The following EBF3 variants were observed in gnomAD, a reference collection of about 807,000 sequenced individuals.
EBF3 encodes the protein EBF transcription factor 3, also known as transcription factor COE3.
EBF3 carries 18 observed loss-of-function variants against 77.1 expected under a neutral mutation model. The ratio of observed to expected loss-of-function variants is 0.23; its 90% confidence interval spans 0.16 to 0.35. The LOEUF is 0.35. Among genes scored for constraint, EBF3 ranks in the 10% least tolerant of loss-of-function variants. The pLI, the probability that EBF3 is intolerant of heterozygous loss-of-function variation, is 1.00. For missense variants in EBF3, 558 were observed against 860.0 expected (o/e 0.65, Z 4.39); for synonymous variants, 350 against 343.5 (o/e 1.02, Z -0.21).
intron 6 of EBF3, among the ~76,000 whole-genome samples, chr10:129,923,970 G>A (rs926463152): frequency 6.6e-6 from 1 of 152,184 alleles, no homozygotes; most frequent in African/African-American, 2.4e-5. Flanking sequence ...AATGGACAAA[G>A]GACCTGGAAT....
chr10:129,896,478 G>T (rs970195543), intron 6 of EBF3, among the ~76,000 whole-genome samples: 3 of 152,220 alleles, frequency 2.0e-5, no homozygotes, highest in Non-Finnish European at 4.4e-5. Flanking sequence ...TGGCCCCTCC[G>T]AGCAGCTGGC....
chr10:129,917,651 C>CAAA (rs71481019), intron 6 of EBF3, among the ~76,000 whole-genome samples: 3,898 of 23,562 alleles, frequency 0.17, 1,044 homozygotes, highest in South Asian at 0.26. Flanking sequence ...GACCCTGCCT[C>CAAA]AAAAAAAAAA....
chr10:129,855,609 C>T (rs1341575614), intron 10 of EBF3, among the ~76,000 whole-genome samples: 7 of 152,088 alleles, frequency 4.6e-5, no homozygotes, highest in African/African-American at 1.7e-4. Flanking sequence ...CCCCAGGTAT[C>T]CTATAACCCT....
At chr10:129,912,001 T>C (rs1001120637) in intron 6 of EBF3, among the ~76,000 whole-genome samples, 3 of 151,940 alleles carry the variant, frequency 2.0e-5, no homozygotes, top group African/African-American at 7.3e-5. Context: ...GCACACAAAC[T>C]CAACGCCCGG....
intron 6 of EBF3, among the ~76,000 whole-genome samples, chr10:129,890,405 A>G (rs1057383029): frequency 6.6e-6 from 1 of 152,214 alleles, no homozygotes; most frequent in Non-Finnish European, 1.5e-5. Context: ...GAGGGACTCC[A>G]AAATGTGAGG....
At chr10:129,936,462 G>C (rs1202845525) in intron 6 of EBF3, among the ~76,000 whole-genome samples, 1 of 152,228 alleles carries the variant, frequency 6.6e-6, no homozygotes, top group East Asian at 1.9e-4. Context: ...CGGGAAGTAG[G>C]GCTGGCCTGT....
rs1554892379 is a variant in EBF3 at position 129,841,043 on chromosome 10, C to CCCCA, written c.1373-12_1373-11insTGGG. ...TGCGACTGTAGCCGACTGTTGAAAT[C>CCCCA]CCCCCCCCGGCCAAAAATAACATTA... On this transcript the variant is annotated splice_polypyrimidine_tract_variant and intron_variant, in intron 13 of 16. Coordinates refer to ENST00000440978, the MANE Select transcript of EBF3 (RefSeq NM_001375380.1). This position sits in a 1 kb window ranked among gnomAD's most constrained non-coding sequence, Gnocchi z 4.6. The CCCCA allele has an allele frequency of 1.2e-4, 166 of 1,350,170 alleles. 3 individuals carry two copies. The highest frequency in any genetic ancestry group is 1.4e-4 in the Non-Finnish European group (141 of 1,013,820). The allele number at this position is 1,350,170 out of a possible 1,614,324, so 83.6% of individuals were successfully genotyped here.
chr10:129,877,472 C>T (rs1406436229), intron 7 of EBF3, among the ~76,000 whole-genome samples: 1 of 115,626 alleles, frequency 8.6e-6, no homozygotes, highest in Non-Finnish European at 1.7e-5. Context: ...CAGAGCAAGA[C>T]TCTGTCTCCA....
At chr10:129,949,783 G>A (rs997303861) in intron 6 of EBF3, among the ~76,000 whole-genome samples, 1 of 152,104 alleles carries the variant, frequency 6.6e-6, no homozygotes, top group African/African-American at 2.4e-5. Context: ...AGGGGGTGCA[G>A]TTCCTTACCA....
intron 16 of EBF3, among the ~76,000 whole-genome samples, chr10:129,838,530 A>C (rs1826503097): frequency 6.6e-6 from 1 of 152,108 alleles, no homozygotes; most frequent in African/African-American, 2.4e-5. Context: ...CTCACAGCCC[A>C]CCTGCCCTGG....
chr10:129,955,360 A>G (rs1858960605), intron 6 of EBF3, among the ~76,000 whole-genome samples: 1 of 152,228 alleles, frequency 6.6e-6, no homozygotes. Context: ...TGCCAGGCGT[A>G]AATGGAGCTT....
At chr10:129,924,752 G>T (rs943099313) in intron 6 of EBF3, among the ~76,000 whole-genome samples, 1 of 152,028 alleles carries the variant, frequency 6.6e-6, no homozygotes, top group Admixed American at 6.5e-5. Flanking sequence ...CTGTAGCCTC[G>T]ACTGCCTGGC....
At chr10:129,838,047 C>A (rs1849727455) in intron 16 of EBF3, 87 bp from the exon 17 acceptor site, 1 of 1,518,272 alleles carries the variant, frequency 6.6e-7, no homozygotes, top group South Asian at 1.1e-5. Flanking sequence ...TGCCCTTCCC[C>A]CCTATTCAAC....
chr10:129,912,671 T>G (rs1237172325), intron 6 of EBF3, among the ~76,000 whole-genome samples: 1 of 152,230 alleles, frequency 6.6e-6, no homozygotes, highest in Non-Finnish European at 1.5e-5. Context: ...GAACTCCGTT[T>G]ATGAATTATC....
rs1161532955 is a variant in EBF3, at chr10:129,836,268, T to C, written c.*1675A>G. ...AGAAAAGTTAATGTGGCAAACATTT[T>C]AATTAAAACATCAGAAGTAAATTTT... On this transcript the variant is annotated 3_prime_UTR_variant, in exon 17 of 17. Transcript: ENST00000440978. 1.3e-5 allele frequency: 2 copies of C among 152,632 alleles called. No individual in the cohort carries two copies. The highest frequency in any genetic ancestry group is 6.5e-5 in the Admixed American group (1 of 15,284). The allele number at this position is 152,632 out of a possible 1,614,324, so 9.5% of individuals were successfully genotyped here. A position where few individuals can be genotyped will look rare whatever the true frequency, so the allele number is the denominator to read the frequency against.
rs1342712680 is a variant in EBF3 at position 129,848,234 on chromosome 10, C to T, written c.1128+158G>A. Among the ~76,000 whole-genome samples the T allele has an allele frequency of 6.6e-6, 1 of 152,184 alleles. No homozygotes were observed. Among genetic ancestry groups the T allele is most frequent in the Non-Finnish European group, 1.5e-5 (1 of 68,036 alleles). On this transcript the variant is annotated intron_variant, in intron 11 of 16. Transcript: ENST00000440978. This position sits in a 1 kb window ranked among gnomAD's most constrained non-coding sequence, Gnocchi z 4.4. ...GCCCACCTCTGAAGCTGGTCAGGTGCGGGCCCGGGCAGCTCCTCACACCTG... is the reference window on the plus strand; with the variant it reads ...GCCCACCTCTGAAGCTGGTCAGGTGTGGGCCCGGGCAGCTCCTCACACCTG...
intron 10 of EBF3, among the ~76,000 whole-genome samples, chr10:129,850,700 C>T (rs138181624): frequency 8.9e-4 from 136 of 152,314 alleles, no homozygotes; most frequent in African/African-American, 2.7e-3. Context: ...AGGAATGACA[C>T]GCATTCGTGG....
At position 129,963,553 on chromosome 10, in the gene EBF3, G is replaced by A. The variant is rs776032837; in HGVS notation, c.135-30C>T. On this transcript the variant is annotated intron_variant, in intron 1 of 16. Coordinates refer to ENST00000440978, the MANE Select transcript of EBF3 (RefSeq NM_001375380.1). The surrounding 1 kb of genome is among the most constrained non-coding windows in gnomAD (Gnocchi z 7.1). Reference sequence around the variant, plus strand: ...GGGAGGAAAGAGACAGCGGCCCGGTGAGGAGCGCGGCGCCGGCCGGCGGAG... The same window carrying A: ...GGGAGGAAAGAGACAGCGGCCCGGTAAGGAGCGCGGCGCCGGCCGGCGGAG... The A allele has an allele frequency of 1.2e-5, 17 of 1,420,804 alleles. No homozygotes were observed. In the African/African-American group the frequency reaches 2.3e-4, roughly 19 times the overall value. The allele number at this position is 1,420,804 out of a possible 1,614,324, so 88.0% of individuals were successfully genotyped here.
chr10:129,959,117 G>A, intron 4 of EBF3, 110 bp from the exon 5 acceptor site: 1 of 1,340,402 alleles, frequency 7.5e-7, no homozygotes, highest in Non-Finnish European at 1.0e-6. Context: ...ACGCTCGAGG[G>A]GAGGCGATGC....
Sources: gnomAD v4.1 joint callset for allele counts (sites outside exome capture counted in the v4.1 genomes callset) on GRCh38, gnomAD v4.1.1 for gene constraint, Gnocchi (gnomAD v3.1) non-coding constraint, MANE v1.5 for transcripts, NCBI Gene and HGNC (gene_info 2026-07-23, HGNC 2026-07-21) for gene names.